Variants in PARD3B observed in about 807,000 individuals in gnomAD.
PARD3B encodes the protein par-3 family cell polarity regulator beta, also known as partitioning defective 3 homolog B.
Under a neutral mutation model 130.2 loss-of-function variants are expected in PARD3B, and 103 were observed. That is an observed-to-expected ratio of 0.79 (90% CI 0.67 to 0.93). The LOEUF (loss-of-function observed/expected upper bound fraction) is 0.93, where lower values mean the gene tolerates loss of function less well. Ranked by LOEUF, PARD3B falls within the 40% of genes least tolerant of loss-of-function variation. The probability of loss-of-function intolerance (pLI) is 0.00; values close to 1 mark genes in which losing one functional copy is unlikely to be tolerated. For synonymous variants in PARD3B, 583 were observed against 553.2 expected (o/e 1.05, Z -0.76); for missense variants, 1,609 against 1,499.2 (o/e 1.07, Z -1.21).
chr2:205,246,543 G>A (rs1326848665), intron 16 of PARD3B, among the ~76,000 whole-genome samples: 1 of 152,116 alleles, frequency 6.6e-6, no homozygotes, highest in African/African-American at 2.4e-5. Flanking sequence ...TCCTCTAGGG[G>A]CACATTGTTT....
rs191886997 is a variant in PARD3B at position 205,015,830 on chromosome 2, A to C, written c.395-31751A>C. ...TGTTCAATGAGTTATGAGTGAATGA[A>C]TGAAAGAATGGGTTTATTTTCCTGA... On this transcript the variant is annotated intron_variant, in intron 3 of 22. Coordinates refer to ENST00000406610, the MANE Select transcript of PARD3B (RefSeq NM_001302769.2). This position sits in a 1 kb window ranked among gnomAD's most constrained non-coding sequence, Gnocchi z 4.5. Among the ~76,000 whole-genome samples, 24 of 152,304 alleles carry C rather than the reference A, an allele frequency of 1.6e-4. No individual in the cohort carries two copies. Among genetic ancestry groups the C allele is most frequent in the Middle Eastern group, 6.8e-3 (2 of 294 alleles).
rs1204338944 is a variant in PARD3B, at chr2:204,965,240, T to C, written c.311T>C (p.Phe104Ser). 1 of 1,613,962 alleles carries C rather than the reference T, an allele frequency of 6.2e-7. No homozygotes were observed. Among genetic ancestry groups the C allele is most frequent in the Non-Finnish European group, 8.5e-7 (1 of 1,179,914 alleles). ...GCAGATCGGCAGAGCCCAGATGCTT[T>C]TGAGACAGAAGTGGCCGCCCAACTG... ...NPADRQSPDA[F>S]ETEVAAQLAA... Residue 104 changes from phenylalanine to serine, a missense_variant, in exon 3 of 23, where the codon TTT becomes TCT. By Grantham distance (155) the Phe-to-Ser change is radical. Transcript: ENST00000406610.
chr2:205,114,827 CA>C (rs1221357050), intron 6 of PARD3B, among the ~76,000 whole-genome samples: 3 of 151,226 alleles, frequency 2.0e-5, no homozygotes, highest in Non-Finnish European at 2.9e-5. Flanking sequence ...AGAAATGAAC[CA>C]AAAAGCTAGC....
intron 18 of PARD3B, among the ~76,000 whole-genome samples, chr2:205,382,871 C>G (rs1003806889): frequency 6.6e-6 from 1 of 151,926 alleles, no homozygotes; most frequent in Non-Finnish European, 1.5e-5. Flanking sequence ...TTTAACTTGT[C>G]CATACCTTTT....
Position 205,525,881 on chromosome 2 carries a change from G to A in PARD3B, c.3180+25850G>A, listed in dbSNP as rs2051315191. ...GTTGTGTACCCAGTCCCGGGAAGGTGCAAGAAAATCTGATCCTTTTTCAAA... is the reference window on the plus strand; with the variant it reads ...GTTGTGTACCCAGTCCCGGGAAGGTACAAGAAAATCTGATCCTTTTTCAAA... On this transcript the variant is annotated intron_variant, in intron 21 of 22. Coordinates refer to ENST00000406610, the MANE Select transcript of PARD3B (RefSeq NM_001302769.2). This position sits in a 1 kb window ranked among gnomAD's most constrained non-coding sequence, Gnocchi z 4.2. Among the ~76,000 whole-genome samples the A allele has an allele frequency of 6.6e-6, 1 of 152,188 alleles. No individual in the cohort carries two copies. The highest frequency in any genetic ancestry group is 2.4e-5 in the African/African-American group (1 of 41,450).
chr2:205,360,839 T>A (rs1198578856), intron 18 of PARD3B, among the ~76,000 whole-genome samples: 2 of 152,232 alleles, frequency 1.3e-5, no homozygotes, highest in Non-Finnish European at 1.5e-5. Flanking sequence ...CTGTTTTTGT[T>A]ATTTATCAAG....
chr2:205,427,369 G>A (rs547048184), intron 19 of PARD3B, among the ~76,000 whole-genome samples: 17 of 152,232 alleles, frequency 1.1e-4, no homozygotes, highest in South Asian at 1.0e-3. Context: ...CCAAATGTTC[G>A]CAAATGCATG....
At chr2:204,838,349 A>ATGTGTGTGTGTGTGTGTG (rs55688873) in intron 2 of PARD3B, among the ~76,000 whole-genome samples, 23 of 135,338 alleles carry the variant, frequency 1.7e-4, no homozygotes, top group African/African-American at 5.4e-4. Flanking sequence ...TACCTGGCTA[A>ATGTGTGTGTGTGTGTGTG]TGTGTGTGTG....
At chr2:204,929,259 T>C (rs566216532) in intron 2 of PARD3B, among the ~76,000 whole-genome samples, 1 of 152,294 alleles carries the variant, frequency 6.6e-6, no homozygotes, top group East Asian at 1.9e-4. Context: ...GCAGCTATGC[T>C]AGTGTTCACT....
At position 204,855,878 on chromosome 2, in the gene PARD3B, A is replaced by C. The variant is rs113499673; in HGVS notation, c.223-109274A>C. ...CCATCTATGTTGTCCCAAAGGATGG[A>C]ATTTTTCTCTTTTTAAAGGCTATAT... is the stretch of plus-strand genomic sequence containing the variant. On this transcript the variant is annotated intron_variant, in intron 2 of 22. Coordinates refer to ENST00000406610, the MANE Select transcript of PARD3B (RefSeq NM_001302769.2). Among the ~76,000 whole-genome samples the C allele has an allele frequency of 5.5e-4, 84 of 152,246 alleles. 2 individuals are homozygous for C. The highest frequency in any genetic ancestry group is 1.9e-3 in the African/African-American group (79 of 41,564).
At chr2:205,057,332 ATG>A (rs1169130895) in intron 4 of PARD3B, among the ~76,000 whole-genome samples, 1 of 91,572 alleles carries the variant, frequency 1.1e-5, no homozygotes, top group Non-Finnish European at 2.5e-5. Context: ...ATATATGTAT[ATG>A]TGTTATATAC....
At chr2:205,150,065 T>C (rs2033636618) in intron 10 of PARD3B, among the ~76,000 whole-genome samples, 1 of 152,202 alleles carries the variant, frequency 6.6e-6, no homozygotes, top group Admixed American at 6.5e-5. Flanking sequence ...CCTACACCTA[T>C]GCAGGGGAGG....
intron 2 of PARD3B, among the ~76,000 whole-genome samples, chr2:204,839,124 A>C (rs2044169428): frequency 6.6e-6 from 1 of 152,168 alleles, no homozygotes; most frequent in Non-Finnish European, 1.5e-5. Flanking sequence ...TGTTTGCCAT[A>C]ATGTTACAAG....
chr2:204,719,078 C>A (rs1438390702), intron 2 of PARD3B, among the ~76,000 whole-genome samples: 1 of 152,166 alleles, frequency 6.6e-6, no homozygotes, highest in Admixed American at 6.5e-5. Flanking sequence ...AGATAATTTT[C>A]TAATAGTTTT....
Position 205,562,093 on chromosome 2 carries a change from G to T in PARD3B, c.3260+8690G>T, listed in dbSNP as rs2053158955. Among the ~76,000 whole-genome samples the T allele has an allele frequency of 6.6e-6, 1 of 152,204 alleles. No individual in the cohort carries two copies. Among genetic ancestry groups the T allele is most frequent in the East Asian group, 1.9e-4 (1 of 5,190 alleles). On this transcript the variant is annotated intron_variant, in intron 22 of 22. Transcript: ENST00000406610. This position sits in a 1 kb window ranked among gnomAD's most constrained non-coding sequence, Gnocchi z 5.4. ...CTTCCTGAAAATGCAGAAAGCCCCA[G>T]CATGTAATATCACTTTAAGATGCCA...
Position 204,638,878 on chromosome 2 carries a change from C to G in PARD3B, c.121-47303C>G, listed in dbSNP as rs918119873. ...TTATCCTTTAATTCTAGGACCTATT[C>G]TGCCTTTGTTTCTTAGGCCTTTAGA... On this transcript the variant is annotated intron_variant, in intron 1 of 22. Coordinates refer to ENST00000406610, the MANE Select transcript of PARD3B (RefSeq NM_001302769.2). Among the ~76,000 whole-genome samples the G allele has an allele frequency of 7.2e-5, 11 of 152,226 alleles. 1 individual carries two copies. The highest frequency in any genetic ancestry group is 4.6e-4 in the Admixed American group (7 of 15,278).
intron 1 of PARD3B, among the ~76,000 whole-genome samples, chr2:204,567,079 A>G (rs2031721525): frequency 6.6e-6 from 1 of 151,978 alleles, no homozygotes; most frequent in African/African-American, 2.4e-5. Flanking sequence ...GGGTTTCATC[A>G]TGTTGGCCAT....
intron 2 of PARD3B, among the ~76,000 whole-genome samples, chr2:204,765,920 A>G (rs2041124113): frequency 6.6e-6 from 1 of 152,222 alleles, no homozygotes; most frequent in Admixed American, 6.5e-5. Context: ...TAGTGCAGTT[A>G]GTATAGCCCA....
Position 204,970,735 on chromosome 2 carries a change from T to C in PARD3B, c.394+5412T>C, listed in dbSNP as rs184904647. Among the ~76,000 whole-genome samples, 373 of 152,384 alleles carry C rather than the reference T, an allele frequency of 2.4e-3. 2 individuals are homozygous for C. The highest frequency in any genetic ancestry group is 8.0e-3 in the African/African-American group (331 of 41,590). ...TTAGCAATGTAATTTAAATAGTTTT[T>C]CAGGATAAAAAGTACTTTAAACTTG... On this transcript the variant is annotated intron_variant, in intron 3 of 22. Coordinates refer to ENST00000406610, the MANE Select transcript of PARD3B (RefSeq NM_001302769.2).
Sources: allele counts gnomAD v4.1 joint callset (sites outside exome capture counted in the v4.1 genomes callset), GRCh38; gene constraint gnomAD v4.1.1; non-coding constraint Gnocchi (gnomAD v3.1); transcripts MANE v1.5; gene names NCBI Gene and HGNC (gene_info 2026-07-23, HGNC 2026-07-21).